Variants in SHISAL1 observed in about 807,000 individuals in gnomAD.
SHISAL1 encodes shisa like 1, also known as protein shisa-like-1.
A neutral mutation model predicts 22.6 loss-of-function variants in SHISAL1; 9 were observed. The ratio of observed to expected loss-of-function variants is 0.40; its 90% CI spans 0.24 to 0.70. The LOEUF is 0.70. Ranked by LOEUF, SHISAL1 falls within the 30% of genes least tolerant of loss-of-function variation. SHISAL1 has a pLI of 0.39. For missense variants in SHISAL1, 246 were observed against 270.6 expected, an observed-to-expected ratio of 0.91 and a Z score of 0.64; for synonymous variants, 119 against 115.4, an observed-to-expected ratio of 1.03 and a Z score of -0.20.
rs115766105 is a variant in SHISAL1, at chr22:44,257,409, G to A, written c.*-7724C>T. ...GCTGTCCTCAGCCACCTCCCATACCGTGCTTTCCTTCCCTGGGCATTGGTC... is the reference window on the plus strand; with the variant it reads ...GCTGTCCTCAGCCACCTCCCATACCATGCTTTCCTTCCCTGGGCATTGGTC... On this transcript the variant is annotated intron_variant, in intron 4 of 4. Transcript: ENST00000381176. Among the ~76,000 whole-genome samples the A allele has an allele frequency of 9.8e-3, 1,496 of 152,204 alleles. 21 individuals are homozygous for A. Among genetic ancestry groups the A allele is most frequent in the African/African-American group, 0.034 (1,407 of 41,524 alleles).
rs141235571 is a variant in SHISAL1 at position 44,279,665 on chromosome 22, G to A, written c.599+5763C>T. Reference sequence around the variant, plus strand: ...TACTGGGGCTTTGCTGGTAGGCAGAGGCCAATGGATGGAGAGGAACTCTGG... The same window carrying A: ...TACTGGGGCTTTGCTGGTAGGCAGAAGCCAATGGATGGAGAGGAACTCTGG... On this transcript the variant is annotated intron_variant, in intron 4 of 4. Coordinates refer to ENST00000381176, the MANE Select transcript of SHISAL1 (RefSeq NM_001099294.2). Among the ~76,000 whole-genome samples, 756 of 152,298 alleles carry A rather than the reference G, an allele frequency of 5.0e-3. 9 individuals carry two copies. The highest frequency in any genetic ancestry group is 0.017 in the African/African-American group (710 of 41,568).
intron 1 of SHISAL1, 110 bp from the exon 2 acceptor site, chr22:44,301,087 T>C (rs2055425751): frequency 1.5e-6 from 1 of 677,006 alleles, no homozygotes; most frequent in Non-Finnish European, 2.6e-6. Flanking sequence ...AGAGCGAGTT[T>C]GTCGGGAGCA....
At position 44,246,625 on chromosome 22, in the gene SHISAL1, G is replaced by C. The variant is rs1222508449; in HGVS notation, c.*3060C>G. The C allele has an allele frequency of 6.6e-6, 1 of 152,344 alleles. No homozygotes were observed. Among genetic ancestry groups the C allele is most frequent in the Non-Finnish European group, 1.5e-5 (1 of 68,236 alleles). 9.4% of individuals were successfully genotyped at this position (152,344 alleles called of 1,614,324 possible). ...ACCTGGGGACCCATGGCATTTTGAGGAGCCCTTGACACCATTGGGGGATTG... is the reference window on the plus strand; with the variant it reads ...ACCTGGGGACCCATGGCATTTTGAGCAGCCCTTGACACCATTGGGGGATTG... On this transcript the variant is annotated 3_prime_UTR_variant, in exon 5 of 5. Coordinates refer to ENST00000381176, the MANE Select transcript of SHISAL1 (RefSeq NM_001099294.2).
chr22:44,253,625 A>G (rs1369751718), intron 4 of SHISAL1, among the ~76,000 whole-genome samples: 1 of 146,216 alleles, frequency 6.8e-6, no homozygotes, highest in Non-Finnish European at 1.5e-5. Context: ...TATTTTTGGT[A>G]GAAATGAGAT....
At chr22:44,268,600 C>T (rs1312735672) in intron 4 of SHISAL1, among the ~76,000 whole-genome samples, 4 of 152,226 alleles carry the variant, frequency 2.6e-5, no homozygotes, top group African/African-American at 9.7e-5. Flanking sequence ...CCAGAAGACT[C>T]AGTCCAGTGG....
At chr22:44,250,175 G>A (rs2055037729) in intron 4 of SHISAL1, among the ~76,000 whole-genome samples, 1 of 152,184 alleles carries the variant, frequency 6.6e-6, no homozygotes, top group Non-Finnish European at 1.5e-5. Flanking sequence ...AATTTTTAAT[G>A]TTGTTCCCCT....
chr22:44,306,811 C>T (rs1302238912), intron 1 of SHISAL1, among the ~76,000 whole-genome samples: 228 of 26,098 alleles, frequency 8.7e-3, no homozygotes, highest in Admixed American at 0.013. Context: ...GTGATGACGA[C>T]GGCGTGTGTG....
intron 2 of SHISAL1, among the ~76,000 whole-genome samples, chr22:44,299,941 G>A (rs777518831): frequency 4.3e-4 from 65 of 151,342 alleles, no homozygotes; most frequent in Non-Finnish European, 3.7e-4. Flanking sequence ...CAGAGACACA[G>A]AGAGACAGAC....
chr22:44,277,515 A>C (rs2055248242), intron 4 of SHISAL1, among the ~76,000 whole-genome samples: 1 of 152,034 alleles, frequency 6.6e-6, no homozygotes. Context: ...ATTCAAACCG[A>C]GGCCAGCTTC....
At chr22:44,272,264 G>A (rs1225646311) in intron 4 of SHISAL1, among the ~76,000 whole-genome samples, 6 of 152,218 alleles carry the variant, frequency 3.9e-5, no homozygotes, top group Non-Finnish European at 8.8e-5. Context: ...GTTCATTCCA[G>A]AAGTGTGTCT....
At chr22:44,282,411 G>C (rs141381118) in intron 4 of SHISAL1, among the ~76,000 whole-genome samples, 4 of 152,214 alleles carry the variant, frequency 2.6e-5, no homozygotes, top group African/African-American at 9.6e-5. Flanking sequence ...TTGGCCTCCT[G>C]TCTCTGTCCC....
Position 44,304,196 on chromosome 22 carries a change from A to G in SHISAL1, c.-32-3219T>C, listed in dbSNP as rs73432551. ...AACCTGGGTCCCAGGGCAGCTCTGA[A>G]TGCTGCTTTACTGGGGGCAGAGTTA... On this transcript the variant is annotated intron_variant, in intron 1 of 4. Coordinates refer to ENST00000381176, the MANE Select transcript of SHISAL1 (RefSeq NM_001099294.2). Among the ~76,000 whole-genome samples the G allele has an allele frequency of 7.0e-3, 1,066 of 152,294 alleles. 18 individuals carry two copies. Among genetic ancestry groups the G allele is most frequent in the African/African-American group, 0.023 (956 of 41,572 alleles).
chr22:44,250,677 G>T (rs549379899), intron 4 of SHISAL1, among the ~76,000 whole-genome samples: 132 of 152,302 alleles, frequency 8.7e-4, no homozygotes, highest in Non-Finnish European at 1.4e-3. Context: ...AATCCAGGGG[G>T]AAATGAACTA....
In SHISAL1 at chr22:44,243,897, T is replaced by G. The variant is rs552249430; in HGVS notation, c.*5788A>C. ...GTCAGAGTTTACGGGAGAGAAAATA[T>G]TTCCATCCCCCTACCCCTGCGCTGC... On this transcript the variant is annotated 3_prime_UTR_variant, in exon 5 of 5. Transcript: ENST00000381176. 1.3e-5 allele frequency: 2 copies of G among 152,232 alleles called. No individual in the cohort carries two copies. Among genetic ancestry groups the G allele is most frequent in the Non-Finnish European group, 2.9e-5 (2 of 68,026 alleles). The allele number at this position is 152,232 out of a possible 1,614,324, so 9.4% of individuals were successfully genotyped here.
chr22:44,292,351 G>A (rs558753306), intron 3 of SHISAL1, among the ~76,000 whole-genome samples: 1 of 152,304 alleles, frequency 6.6e-6, no homozygotes, highest in African/African-American at 2.4e-5. Context: ...CTGGGGTCTG[G>A]TGCGGTCCCC....
intron 4 of SHISAL1, among the ~76,000 whole-genome samples, chr22:44,279,570 G>C (rs1370479388): frequency 6.6e-6 from 1 of 152,204 alleles, no homozygotes; most frequent in Admixed American, 6.5e-5. Flanking sequence ...CCTCACAGGG[G>C]AGGACGAATG....
chr22:44,306,277 G>A lies in SHISAL1; in HGVS notation c.-32-5300C>T, dbSNP rs146366752. On this transcript the variant is annotated intron_variant, in intron 1 of 4. Coordinates refer to ENST00000381176, the MANE Select transcript of SHISAL1 (RefSeq NM_001099294.2). ...CTCAAGGAGCTCTGACGACGATGGC[G>A]TGTGTGGAGGGGACCTGGGCTCAGG... Among the ~76,000 whole-genome samples the A allele has an allele frequency of 3.2e-3, 478 of 151,372 alleles. 2 individuals carry two copies. Among genetic ancestry groups the A allele is most frequent in the Middle Eastern group, 0.01 (3 of 292 alleles).
intron 4 of SHISAL1, among the ~76,000 whole-genome samples, chr22:44,257,162 C>T (rs1279647943): frequency 1.3e-5 from 2 of 152,228 alleles, no homozygotes; most frequent in East Asian, 1.9e-4. Flanking sequence ...TGACACATGC[C>T]TATGGTACAG....
At chr22:44,265,543 G>A (rs1270398395) in intron 4 of SHISAL1, among the ~76,000 whole-genome samples, 1 of 151,822 alleles carries the variant, frequency 6.6e-6, no homozygotes, top group Non-Finnish European at 1.5e-5. Flanking sequence ...CCCAAGCCAG[G>A]AGACTCCAAG....
Sources: allele counts gnomAD v4.1 joint callset (sites outside exome capture counted in the v4.1 genomes callset), GRCh38; gene constraint gnomAD v4.1.1; transcripts MANE v1.5; gene names NCBI Gene and HGNC (gene_info 2026-07-23, HGNC 2026-07-21).